ZFPM2: variants seen among roughly 807,000 people sequenced by gnomAD.
ZFPM2 encodes zinc finger protein, FOG family member 2.
Under a neutral mutation model 98.6 loss-of-function variants are expected in ZFPM2, and 20 were observed. The ratio of observed to expected loss-of-function variants is 0.20; its 90% CI spans 0.14 to 0.29. The LOEUF is 0.29. Ranked by LOEUF, ZFPM2 falls within the 10% of genes least tolerant of loss-of-function variation. The pLI, the probability that ZFPM2 is intolerant of heterozygous loss-of-function variation, is 1.00. For missense variants in ZFPM2, 1,310 were observed against 1,388.6 expected (o/e 0.94, Z 0.90); for synonymous variants, 518 against 502.7 (o/e 1.03, Z -0.41).
chr8:105,661,942 A>T (rs1817397719), intron 5 of ZFPM2, among the ~76,000 whole-genome samples: 1 of 151,826 alleles, frequency 6.6e-6, no homozygotes, highest in Admixed American at 6.6e-5. Flanking sequence ...CACTCCGGAG[A>T]GGCTTGTTGA....
At chr8:105,775,048 C>G (rs1266885939) in intron 5 of ZFPM2, among the ~76,000 whole-genome samples, 2 of 147,716 alleles carry the variant, frequency 1.4e-5, no homozygotes, top group Non-Finnish European at 1.5e-5. Context: ...AACTGACTCC[C>G]TAGAGAAGTT....
intron 3 of ZFPM2, among the ~76,000 whole-genome samples, chr8:105,459,629 G>C (rs1812666471): frequency 6.6e-6 from 1 of 152,128 alleles, no homozygotes; most frequent in Non-Finnish European, 1.5e-5. Flanking sequence ...TCTCTTCCTA[G>C]CTTCCAGATG....
chr8:105,540,127 C>T (rs570543779), intron 3 of ZFPM2, among the ~76,000 whole-genome samples: 1 of 151,900 alleles, frequency 6.6e-6, no homozygotes, highest in South Asian at 2.1e-4. Context: ...GTTTTCATAC[C>T]CCACCTATTT....
chr8:105,753,616 A>G (rs988536062), intron 5 of ZFPM2, among the ~76,000 whole-genome samples: 2 of 152,182 alleles, frequency 1.3e-5, no homozygotes, highest in Admixed American at 6.6e-5. Flanking sequence ...TTCAAAGTAC[A>G]TGTAACCAAA....
At chr8:105,530,969 A>G (rs6988352) in intron 3 of ZFPM2, among the ~76,000 whole-genome samples, 32,648 of 152,052 alleles carry the variant, frequency 0.21, 3,677 homozygotes, top group African/African-American at 0.28. Flanking sequence ...TTATTGCTCA[A>G]TATATATTTA....
intron 1 of ZFPM2, chr8:105,387,887 G>T (rs1811033125): frequency 6.6e-6 from 1 of 152,236 alleles, no homozygotes; most frequent in East Asian, 1.9e-4. Flanking sequence ...GAGCATCAGA[G>T]AAAAAAAGAC....
At chr8:105,675,221 C>T (rs1257267634) in intron 5 of ZFPM2, among the ~76,000 whole-genome samples, 1 of 152,180 alleles carries the variant, frequency 6.6e-6, no homozygotes, top group African/African-American at 2.4e-5. Flanking sequence ...AGTGTGTCCC[C>T]TCAACCATCA....
chr8:105,505,237 T>C (rs1313552720), intron 3 of ZFPM2, among the ~76,000 whole-genome samples: 6 of 152,178 alleles, frequency 3.9e-5, no homozygotes, highest in Non-Finnish European at 8.8e-5. Flanking sequence ...AAACTTGGTA[T>C]AATCAAAGTG....
At chr8:105,480,500 C>T (rs1813093406) in intron 3 of ZFPM2, among the ~76,000 whole-genome samples, 1 of 152,170 alleles carries the variant, frequency 6.6e-6, no homozygotes, top group African/African-American at 2.4e-5. Context: ...AATGTGCAAG[C>T]AATTTCTACT....
chr8:105,618,226 C>T (rs1816460544), intron 4 of ZFPM2, among the ~76,000 whole-genome samples: 1 of 152,100 alleles, frequency 6.6e-6, no homozygotes, highest in South Asian at 2.1e-4. Flanking sequence ...AACACAATTC[C>T]TAAGGAGAGT....
intron 1 of ZFPM2, among the ~76,000 whole-genome samples, chr8:105,343,651 T>C (rs1812468108): frequency 1.3e-5 from 2 of 152,114 alleles, no homozygotes; most frequent in Non-Finnish European, 2.9e-5. Context: ...TCTTTGAGGA[T>C]AGAAGACTAC....
chr8:105,480,104 T>C (rs1346862919), intron 3 of ZFPM2, among the ~76,000 whole-genome samples: 2 of 152,210 alleles, frequency 1.3e-5, no homozygotes, highest in African/African-American at 4.8e-5. Flanking sequence ...TACATTGTTT[T>C]CTTGCCATTG....
intron 3 of ZFPM2, among the ~76,000 whole-genome samples, chr8:105,488,105 A>T (rs188604540): frequency 6.6e-6 from 1 of 152,166 alleles, no homozygotes; most frequent in Non-Finnish European, 1.5e-5. Context: ...ACAATTGATG[A>T]ATCTGTATTG....
intron 3 of ZFPM2, among the ~76,000 whole-genome samples, chr8:105,473,671 C>T (rs1812952999): frequency 6.6e-6 from 1 of 152,164 alleles, no homozygotes; most frequent in Non-Finnish European, 1.5e-5. Context: ...AGGAAACACC[C>T]ACAGAGTAAT....
chr8:105,549,997 T>C lies in ZFPM2; in HGVS notation c.302-11366T>C, dbSNP rs546429425. Among the ~76,000 whole-genome samples the C allele has an allele frequency of 7.9e-5, 12 of 152,244 alleles. No homozygotes were observed. In the South Asian group the frequency reaches 2.5e-3, roughly 32 times the overall value. On this transcript the variant is annotated intron_variant, in intron 3 of 7. Transcript: ENST00000407775. ...AGAGAAAATATTTAGTTATTAAATA[T>C]ACTAAAATACAACATTGAAAGTCTG... is the stretch of plus-strand genomic sequence containing the variant.
intron 3 of ZFPM2, among the ~76,000 whole-genome samples, chr8:105,497,489 A>G (rs1304524668): frequency 6.6e-6 from 1 of 152,226 alleles, no homozygotes; most frequent in Non-Finnish European, 1.5e-5. Flanking sequence ...CAAAGTTTAA[A>G]TAATAGGAAT....
At chr8:105,445,298 G>T (rs1812343195) in intron 3 of ZFPM2, among the ~76,000 whole-genome samples, 1 of 152,112 alleles carries the variant, frequency 6.6e-6, no homozygotes, top group Non-Finnish European at 1.5e-5. Flanking sequence ...TGATTATTAT[G>T]ATGTCATTTC....
In ZFPM2 at chr8:105,561,422, C is replaced by A. The variant is rs746062987; in HGVS notation, c.361C>A (p.Pro121Thr). 1 of 1,613,496 alleles carries A rather than the reference C, an allele frequency of 6.2e-7. No individual in the cohort carries two copies. Among genetic ancestry groups the A allele is most frequent in the Non-Finnish European group, 8.5e-7 (1 of 1,179,638 alleles). ...ERKIQSRQQL[P>T]VGTTWGPFPG... ...AAAAATTCAGAGTCGACAGCAACTT[C>A]CAGTGGGAACAACCTGGGGGCCGTT... The change falls in exon 4 of 8, where the codon CCA (proline) becomes ACA (threonine). Residue 121 changes from proline (P) to threonine (T), a missense_variant. Coordinates refer to ENST00000407775, the MANE Select transcript of ZFPM2 (RefSeq NM_012082.4).
At chr8:105,750,697 A>G (rs533858891) in intron 5 of ZFPM2, among the ~76,000 whole-genome samples, 1 of 152,172 alleles carries the variant, frequency 6.6e-6, no homozygotes, top group Non-Finnish European at 1.5e-5. Context: ...GCCTGAAATG[A>G]GCAACAGTAA....
Sources: allele counts gnomAD v4.1 joint callset (sites outside exome capture counted in the v4.1 genomes callset), GRCh38; gene constraint gnomAD v4.1.1; transcripts MANE v1.5; gene names NCBI Gene and HGNC (gene_info 2026-07-23, HGNC 2026-07-21).